Variants in CDT1 observed in about 807,000 individuals in gnomAD.
CDT1 encodes chromatin licensing and DNA replication factor 1.
CDT1 carries 66 observed loss-of-function variants against 49.3 expected under a neutral mutation model. The observed-to-expected ratio is 1.34, with a 90% CI of 1.10 to 1.64. CDT1 has a LOEUF of 1.64. Ranked by LOEUF, CDT1 falls within the 40% of genes most tolerant of loss-of-function variation. The pLI, the probability that CDT1 is intolerant of heterozygous loss-of-function variation, is 0.00. For synonymous variants in CDT1, 424 were observed against 347.4 expected (o/e 1.22, Z -2.45); for missense variants, 958 against 807.7 (o/e 1.19, Z -2.26).
At position 88,806,618 on chromosome 16, in the gene CDT1, A is replaced by C. The variant is rs765899435; in HGVS notation, c.1066A>C (p.Lys356Gln). The C allele has an allele frequency of 1.9e-6, 3 of 1,611,674 alleles. No homozygotes were observed. Among genetic ancestry groups the C allele is most frequent in the African/African-American group, 1.3e-5 (1 of 74,998 alleles). Residue 356 changes from lysine (K) to glutamine (Q), a missense_variant, in exon 7 of 10, where the codon AAG becomes CAG. Coordinates refer to ENST00000301019, the MANE Select transcript of CDT1 (RefSeq NM_030928.4). ...AALPQPPATE[K>Q]LTTAQEVLAR... ...GCTGCCCCAGCCACCCGCCACGGAGAAGCTCACCACTGCTCAGGAGGTGCT... is the reference window on the plus strand; with the variant it reads ...GCTGCCCCAGCCACCCGCCACGGAGCAGCTCACCACTGCTCAGGAGGTGCT...
At chr16:88,806,849 A>C (rs1041877192) in intron 7 of CDT1, among the ~76,000 whole-genome samples, 175 bp downstream of exon 7, 3 of 152,210 alleles carry the variant, frequency 2.0e-5, no homozygotes, top group African/African-American at 4.8e-5. Context: ...TGCAGCCTCT[A>C]AGCCTGGCTC....
chr16:88,806,714 G>T, intron 7 of CDT1, 40 bp downstream of exon 7: 1 of 1,558,494 alleles, frequency 6.4e-7, no homozygotes, highest in Non-Finnish European at 8.7e-7. Flanking sequence ...TCTCCCGGGT[G>T]GGTGGGCCAG....
chr16:88,805,636 A>AG lies in CDT1; in HGVS notation c.686+1dup, dbSNP rs780557868. On this transcript the variant is annotated frameshift_variant and splice_region_variant, in exon 4 of 10. Transcript: ENST00000301019. LOFTEE classifies it high-confidence loss of function. ...GCGGGGCGTCCAGGACATGATGCGT[A>AG]GGTGAGTGGCCGGGGGTGGGCTGTG... 6 of 1,612,528 alleles carry AG rather than the reference A, an allele frequency of 3.7e-6. No homozygotes were observed. The highest frequency in any genetic ancestry group is 2.7e-5 in the African/African-American group (2 of 74,922).
chr16:88,806,313 G>T, intron 6 of CDT1, 173 bp from the exon 7 acceptor site: 1 of 992,192 alleles, frequency 1.0e-6, no homozygotes, highest in Non-Finnish European at 1.5e-6. Context: ...AAGGCGTTCA[G>T]CGAGCGCGGA....
At chr16:88,807,761 G>A (rs1908922373) in intron 9 of CDT1, among the ~76,000 whole-genome samples, 1 of 152,164 alleles carries the variant, frequency 6.6e-6, no homozygotes, top group African/African-American at 2.4e-5. Flanking sequence ...TGGTCAGAAG[G>A]GGCCCCACAT....
At position 88,803,842 on chromosome 16, in the gene CDT1, G is replaced by T. The variant is rs781585324; in HGVS notation, c.11G>T (p.Arg4Leu). Residue 4 changes from arginine (R) to leucine (L), a missense_variant, in exon 1 of 10, where the codon CGC becomes CTC. Physicochemically the swap from Arg to Leu is moderately radical, Grantham distance 102 (BLOSUM62 -2). Transcript: ENST00000301019. MEQ[R>L]RVTDFFARRR... Reference sequence around the variant, plus strand: ...GCGCACTCCGCCGCCATGGAGCAGCGCCGCGTCACCGACTTCTTCGCGCGC... The same window carrying T: ...GCGCACTCCGCCGCCATGGAGCAGCTCCGCGTCACCGACTTCTTCGCGCGC... The T allele has an allele frequency of 1.3e-5, 20 of 1,506,724 alleles. No homozygotes were observed. Among genetic ancestry groups the T allele is most frequent in the Non-Finnish European group, 1.8e-5 (20 of 1,128,184 alleles). The allele number at this position is 1,506,724 out of a possible 1,614,324, so 93.3% of individuals were successfully genotyped here.
chr16:88,805,990 G>A (rs765464065), intron 5 of CDT1, 31 bp from the exon 6 acceptor site: 2 of 1,577,590 alleles, frequency 1.3e-6, no homozygotes, highest in Admixed American at 1.8e-5. Context: ...GGGTGGCCTG[G>A]TGGGGACTTA....
chr16:88,803,894 G>C lies in CDT1; in HGVS notation c.63G>C (p.Ala21=). 6.9e-7 allele frequency: 1 copy of C among 1,446,740 alleles called. No homozygotes were observed. The highest frequency in any genetic ancestry group is 9.1e-7 in the Non-Finnish European group (1 of 1,095,872). The allele number at this position is 1,446,740 out of a possible 1,614,324, so 89.6% of individuals were successfully genotyped here. ...GCCGCCCCGGGCCCCCCCGCATCGC[G>C]CCGCCCAAGCTGGCCTGCCGCACCC... is the stretch of plus-strand genomic sequence containing the variant. The part of the protein sequence containing the change: ...ARRRPGPPRI[A]PPKLACRTPS... Residue 21 remains alanine, a synonymous_variant, in exon 1 of 10, where the codon GCG becomes GCC. Coordinates refer to ENST00000301019, the MANE Select transcript of CDT1 (RefSeq NM_030928.4).
At chr16:88,806,982 C>A in intron 7 of CDT1, 69 bp from the exon 8 acceptor site, 1 of 1,595,642 alleles carries the variant, frequency 6.3e-7, no homozygotes, top group Non-Finnish European at 8.6e-7. Flanking sequence ...ATACCGGGGA[C>A]TCCTGGGCAG....
chr16:88,806,668 AC>A lies in CDT1; in HGVS notation c.1119del (p.Arg374GlyfsTer6). On this transcript the variant is annotated frameshift_variant, in exon 7 of 10. Transcript: ENST00000301019. LOFTEE classifies it high-confidence loss of function. The part of the protein sequence containing the change: ...VLARARNLIS[P>X]RMEKALSQLA... The stretch of plus-strand genomic sequence containing the variant: ...TGGCCCGGGCCCGCAACCTGATTTC[AC>A]CCAGGGTGAGACTGCGAGGCTTGGG... 6.2e-7 allele frequency: 1 copy of A among 1,606,288 alleles called. No individual in the cohort carries two copies. The highest frequency in any genetic ancestry group is 1.3e-5 in the African/African-American group (1 of 74,856).
intron 3 of CDT1, among the ~76,000 whole-genome samples, 153 bp downstream of exon 3, chr16:88,805,051 G>A (rs1908798639): frequency 6.6e-6 from 1 of 152,242 alleles, no homozygotes; most frequent in South Asian, 2.1e-4. Flanking sequence ...TGAGAAAAAG[G>A]TCCCGGGCAC....
Position 88,808,336 on chromosome 16 carries a change from C to T in CDT1, c.*58C>T, listed in dbSNP as rs112314329. On this transcript the variant is annotated 3_prime_UTR_variant, in exon 10 of 10. Coordinates refer to ENST00000301019, the MANE Select transcript of CDT1 (RefSeq NM_030928.4). ...CAGAAGCTCGCTGGCCTGGGCCCAC[C>T]AGCATTTTCTTTTATGAACATGATA... 1.8e-5 allele frequency: 28 copies of T among 1,521,494 alleles called. No individual in the cohort carries two copies. The highest frequency in any genetic ancestry group is 1.5e-4 in the African/African-American group (11 of 72,556). 94.2% of individuals were successfully genotyped at this position (1,521,494 alleles called of 1,614,324 possible).
Position 88,807,376 on chromosome 16 carries a change from G to A in CDT1, c.1371G>A (p.Leu457=). 2 of 1,612,690 alleles carry A rather than the reference G, an allele frequency of 1.2e-6. No homozygotes were observed. The highest frequency in any genetic ancestry group is 1.3e-5 in the African/African-American group (1 of 75,072). ...AGCGCTTAGAACGGCTGCCTGAGCT[G>A]GCCCGCGTGCTGCGGAGCGTCTTTG... ...RLQRLERLPE[L]ARVLRSVFVS... Residue 457 remains leucine (L), a synonymous_variant, in exon 9 of 10, where the codon CTG becomes CTA. Transcript: ENST00000301019.
chr16:88,805,389 T>C, intron 3 of CDT1, 51 bp from the exon 4 acceptor site: 1 of 1,604,764 alleles, frequency 6.2e-7, no homozygotes, highest in East Asian at 2.2e-5. Flanking sequence ...GCTGTGGCGT[T>C]GGAGGGGTAG....
At chr16:88,804,702 C>T in intron 2 of CDT1, 35 bp downstream of exon 2, 1 of 1,612,196 alleles carries the variant, frequency 6.2e-7, no homozygotes, top group Middle Eastern at 1.7e-4. Flanking sequence ...TGCGGGAGGG[C>T]TGAGTGGTGC....
Position 88,806,223 on chromosome 16 carries a change from G to A in CDT1, c.933+102G>A, listed in dbSNP as rs74035835. ...ATCCCTGCCACTCACAGCTTCTCCC[G>A]GGATGGAACTGGGCTGGGTTCACCC... On this transcript the variant is annotated intron_variant, in intron 6 of 9. Coordinates refer to ENST00000301019, the MANE Select transcript of CDT1 (RefSeq NM_030928.4). 4,983 of 1,190,872 alleles carry A rather than the reference G, an allele frequency of 4.2e-3. 125 individuals are homozygous for A. In the African/African-American group the frequency reaches 0.057, roughly 14 times the overall value. The allele number at this position is 1,190,872 out of a possible 1,614,324, so 73.8% of individuals were successfully genotyped here.
Position 88,804,867 on chromosome 16 carries a change from C to G in CDT1, c.457C>G (p.Pro153Ala), listed in dbSNP as rs756658767. Reference protein sequence around the residue: ...SAQDAGESCTPEAEGRPEEPC... With the variant: ...SAQDAGESCTAEAEGRPEEPC... The stretch of plus-strand genomic sequence containing the variant: ...CCAGGATGCTGGGGAGTCCTGCACC[C>G]CAGAGGCCGAGGGCCGCCCTGAGGA... Residue 153 changes from proline to alanine, a missense_variant, in exon 3 of 10, where the codon CCA becomes GCA. Physicochemically the swap from Pro to Ala is conservative, Grantham distance 27. Transcript: ENST00000301019. 1.2e-6 allele frequency: 2 copies of G among 1,602,730 alleles called. No individual in the cohort carries two copies. The highest frequency in any genetic ancestry group is 1.1e-5 in the South Asian group (1 of 90,012).
rs760995727 is a variant in CDT1, at chr16:88,805,593, C to T, written c.642C>T (p.Pro214=). The change falls in exon 4 of 10, where the codon CCC becomes CCT. Residue 214 remains proline (P), a synonymous_variant. Transcript: ENST00000301019. ...TGCTCCACAACCGCTCCGAGACGCC[C>T]ACCTTTGCCAAGGTCCAGCGGGGCG... The part of the protein sequence containing the change: ...VGMLHNRSET[P]TFAKVQRGVQ... The T allele has an allele frequency of 1.2e-6, 2 of 1,612,832 alleles. No homozygotes were observed. Among genetic ancestry groups the T allele is most frequent in the East Asian group, 2.2e-5 (1 of 44,866 alleles).
At chr16:88,805,008 T>G in intron 3 of CDT1, 110 bp downstream of exon 3, 1 of 1,418,490 alleles carries the variant, frequency 7.0e-7, no homozygotes. Context: ...GGGAGGGTGG[T>G]GGTGAGGTCA....
Sources: allele counts gnomAD v4.1 joint callset (sites outside exome capture counted in the v4.1 genomes callset), GRCh38; gene constraint gnomAD v4.1.1; transcripts MANE v1.5; gene names NCBI Gene and HGNC (gene_info 2026-07-23, HGNC 2026-07-21).